BTNL2: variants seen among roughly 807,000 people sequenced by gnomAD.
BTNL2 encodes butyrophilin-like protein 2.
In BTNL2, 46 loss-of-function variants were observed where a neutral mutation model predicts 46.8. That is an observed-to-expected ratio of 0.98 (90% CI 0.78 to 1.26). The LOEUF (loss-of-function observed/expected upper bound fraction) is 1.26. Among genes scored for constraint, BTNL2 ranks in the 50% most tolerant of loss-of-function variants. BTNL2 has a pLI of 0.00. For missense variants in BTNL2, 461 were observed against 592.6 expected (o/e 0.78, Z 2.31); for synonymous variants, 226 against 229.1 (o/e 0.99, Z 0.12).
At chr6:32,395,849 A>G (rs1252221850) in intron 5 of BTNL2, among the ~76,000 whole-genome samples, 190 bp downstream of exon 5, 1 of 152,252 alleles carries the variant, frequency 6.6e-6, no homozygotes, top group Non-Finnish European at 1.5e-5. Context: ...CCAAATAATT[A>G]AATTTCATCC....
chr6:32,394,938 T>C lies in BTNL2; in HGVS notation c.1166A>G (p.Gln389Arg), dbSNP rs1247644269. 6.2e-7 allele frequency: 1 copy of C among 1,614,170 alleles called. No homozygotes were observed. Among genetic ancestry groups the C allele is most frequent in the Non-Finnish European group, 8.5e-7 (1 of 1,180,004 alleles). ...CATGTCCCTCCATGGCACGTGGGGC[T>C]GTGGGAACCACCCATCTGAAGAGCA... ...PMCSSDGWFP[Q>R]PHVPWRDMEG... Residue 389 changes from glutamine to arginine, a missense_variant, in exon 6 of 8, where the codon CAG (glutamine) becomes CGG (arginine). Physicochemically the swap from Gln to Arg is conservative, Grantham distance 43 (BLOSUM62 1). Coordinates refer to ENST00000454136, the MANE Select transcript of BTNL2 (RefSeq NM_001304561.2). This position sits in a 1 kb window ranked among gnomAD's most constrained non-coding sequence, Gnocchi z 4.6.
rs1279606542 is a variant in BTNL2 at position 32,394,932 on chromosome 6, TG to T, written c.1171del (p.His391ThrfsTer19). The T allele has an allele frequency of 6.2e-7, 1 of 1,614,032 alleles. No homozygotes were observed. The highest frequency in any genetic ancestry group is 8.5e-7 in the Non-Finnish European group (1 of 1,180,014). On this transcript the variant is annotated frameshift_variant, in exon 6 of 8. Transcript: ENST00000454136. LOFTEE classifies it high-confidence loss of function. This position sits in a 1 kb window ranked among gnomAD's most constrained non-coding sequence, Gnocchi z 4.6. ...CSSDGWFPQPHVPWRDMEGKT... is the reference protein window; with the variant it reads ...CSSDGWFPQPXVPWRDMEGKT... ...TCCTTCCATGTCCCTCCATGGCACGTGGGGCTGTGGGAACCACCCATCTGAA... is the reference window on the plus strand; with the variant it reads ...TCCTTCCATGTCCCTCCATGGCACGTGGGCTGTGGGAACCACCCATCTGAA...
At position 32,403,054 on chromosome 6, in the gene BTNL2, T is replaced by C; in HGVS notation, c.590A>G (p.Asp197Gly). The C allele has an allele frequency of 6.2e-7, 1 of 1,612,850 alleles. No individual in the cohort carries two copies. The highest frequency in any genetic ancestry group is 2.2e-5 in the East Asian group (1 of 44,852). ...AVSEHRIQDKDGLFYAEATLV... is the reference protein window; with the variant it reads ...AVSEHRIQDKGGLFYAEATLV... Reference sequence around the variant, plus strand: ...GGTGGCTTCCGCATAGAACAGGCCATCTTTATCTTGGATGCGATGCTCAGA... The same window carrying C: ...GGTGGCTTCCGCATAGAACAGGCCACCTTTATCTTGGATGCGATGCTCAGA... Residue 197 changes from aspartate to glycine, a missense_variant, in exon 3 of 8, where the codon GAT becomes GGT. Asp to Gly is a moderately conservative substitution (Grantham distance 94). Coordinates refer to ENST00000454136, the MANE Select transcript of BTNL2 (RefSeq NM_001304561.2).
In BTNL2 at chr6:32,396,109, G is replaced by T; in HGVS notation, c.1008C>A (p.Asp336Glu). The change falls in exon 5 of 8, where the codon GAC becomes GAA. Residue 336 changes from aspartate (D) to glutamate (E), a missense_variant. Coordinates refer to ENST00000454136, the MANE Select transcript of BTNL2 (RefSeq NM_001304561.2). This position sits in a 1 kb window ranked among gnomAD's most constrained non-coding sequence, Gnocchi z 4.4. Reference sequence around the variant, plus strand: ...TTTCAAAAAGGCAGCGGTACTGCCCGTCGTCCGAAGGTCTGGCACTGAGTA... The same window carrying T: ...TTTCAAAAAGGCAGCGGTACTGCCCTTCGTCCGAAGGTCTGGCACTGAGTA... ...LQILSARPSD[D>E]GQYRCLFEKD... 3 of 1,613,076 alleles carry T rather than the reference G, an allele frequency of 1.9e-6. No homozygotes were observed. Among genetic ancestry groups the T allele is most frequent in the Non-Finnish European group, 2.5e-6 (3 of 1,180,030 alleles).
In BTNL2 at chr6:32,405,067, T is replaced by C; in HGVS notation, c.299A>G (p.Asn100Ser). The C allele has an allele frequency of 6.2e-7, 1 of 1,613,046 alleles. No homozygotes were observed. The highest frequency in any genetic ancestry group is 1.1e-5 in the South Asian group (1 of 91,082). The change falls in exon 2 of 8, where the codon AAT becomes AGT. Residue 100 changes from asparagine (N) to serine (S), a missense_variant. By Grantham distance (46) the Asn-to-Ser change is conservative. Transcript: ENST00000454136. ...TGCCACATTTCCCTTTGCAATGCCATTCTCTATCCACTCTACCCAGCCTCT... is the reference window on the plus strand; with the variant it reads ...TGCCACATTTCCCTTTGCAATGCCACTCTCTATCCACTCTACCCAGCCTCT... ...EYRGWVEWIE[N>S]GIAKGNVALK...
Position 32,394,741 on chromosome 6 carries a change from A to G in BTNL2, c.1360+3T>C. On this transcript the variant is annotated splice_donor_region_variant and intron_variant, in intron 6 of 7. Transcript: ENST00000454136. The surrounding 1 kb of genome is among the most constrained non-coding windows in gnomAD (Gnocchi z 4.6). ...ACCTGAAGGAACATAAGGAATCACC[A>G]ACCTGAGAGAGAAAAAGTTGCGATT... is the stretch of plus-strand genomic sequence containing the variant. 6.2e-7 allele frequency: 1 copy of G among 1,609,388 alleles called. No homozygotes were observed. Among genetic ancestry groups the G allele is most frequent in the Non-Finnish European group, 8.5e-7 (1 of 1,176,426 alleles).
rs1776453363 is a variant in BTNL2, at chr6:32,396,310, C to A, written c.807G>T (p.Leu269=). 6.2e-7 allele frequency: 1 copy of A among 1,612,676 alleles called. No individual in the cohort carries two copies. The highest frequency in any genetic ancestry group is 1.7e-5 in the Admixed American group (1 of 60,002). Residue 269 remains leucine (L), a synonymous_variant, in exon 5 of 8, where the codon CTG becomes CTT. Coordinates refer to ENST00000454136, the MANE Select transcript of BTNL2 (RefSeq NM_001304561.2). This position sits in a 1 kb window ranked among gnomAD's most constrained non-coding sequence, Gnocchi z 4.4. ...TGCTCTGTGCATTCGCCTTGGGGGACAGGTAACAGGTTAGCTGTATATCTT... is the reference window on the plus strand; with the variant it reads ...TGCTCTGTGCATTCGCCTTGGGGGAAAGGTAACAGGTTAGCTGTATATCTT... ...VGEDIQLTCY[L]SPKANAQSME...
At chr6:32,405,805 C>T (rs1436363848) in intron 1 of BTNL2, among the ~76,000 whole-genome samples, 2 of 79,436 alleles carry the variant, frequency 2.5e-5, no homozygotes, top group Admixed American at 1.2e-4. Flanking sequence ...GATATAAAAA[C>T]TGTTTTTTTT....
Position 32,403,045 on chromosome 6 carries a change from A to G in BTNL2, c.599T>C (p.Phe200Ser). The stretch of plus-strand genomic sequence containing the variant: ...GACCACCAGGGTGGCTTCCGCATAG[A>G]ACAGGCCATCTTTATCTTGGATGCG... ...EHRIQDKDGL[F>S]YAEATLVVRN... Residue 200 changes from phenylalanine to serine, a missense_variant, in exon 3 of 8, where the codon TTC becomes TCC. Coordinates refer to ENST00000454136, the MANE Select transcript of BTNL2 (RefSeq NM_001304561.2). 6.2e-7 allele frequency: 1 copy of G among 1,612,862 alleles called. No homozygotes were observed. The highest frequency in any genetic ancestry group is 1.1e-5 in the South Asian group (1 of 91,074).
At chr6:32,401,448 C>T (rs1225618624) in intron 4 of BTNL2, among the ~76,000 whole-genome samples, 1 of 151,936 alleles carries the variant, frequency 6.6e-6, no homozygotes, top group Middle Eastern at 3.2e-3. Context: ...GCCTCCAGGC[C>T]CCGGCCAGCT....
intron 4 of BTNL2, among the ~76,000 whole-genome samples, chr6:32,400,755 A>AAAAAAAAAAAAC (rs1776709608): frequency 7.1e-6 from 1 of 140,208 alleles, no homozygotes. Flanking sequence ...TAAAAAAAAA[A>AAAAAAAAAAAAC]AAAAAAAATT....
At position 32,407,179 on chromosome 6, in the gene BTNL2, C is replaced by T. The variant is rs575164344; in HGVS notation, c.-56G>A. ...TGCCTAAGTGAGGCTGTGACACACC[C>T]GGCACACTCCATGGCTTCCATTGGT... is the stretch of plus-strand genomic sequence containing the variant. On this transcript the variant is annotated 5_prime_UTR_variant, in exon 1 of 8. Transcript: ENST00000454136. 136 of 1,427,662 alleles carry T rather than the reference C, an allele frequency of 9.5e-5. No individual in the cohort carries two copies. The highest frequency in any genetic ancestry group is 5.7e-4 in the Middle Eastern group (3 of 5,306). 88.4% of individuals were successfully genotyped at this position (1,427,662 alleles called of 1,614,324 possible).
Position 32,394,759 on chromosome 6 carries a change from T to C in BTNL2, c.1345A>G (p.Thr449Ala). The C allele has an allele frequency of 6.2e-7, 1 of 1,612,418 alleles. No homozygotes were observed. Residue 449 changes from threonine (T) to alanine (A), a missense_variant, in exon 6 of 8, where the codon ACT (threonine) becomes GCT (alanine). Coordinates refer to ENST00000454136, the MANE Select transcript of BTNL2 (RefSeq NM_001304561.2). This position sits in a 1 kb window ranked among gnomAD's most constrained non-coding sequence, Gnocchi z 4.6. ...IPFLGEEKIA[T>A]FSLSESRMTF... ...AATCACCAACCTGAGAGAGAAAAAG[T>C]TGCGATTTTCTCCTCGCCCAAAAAG... is the stretch of plus-strand genomic sequence containing the variant.
rs533234481 is a variant in BTNL2 at position 32,400,966 on chromosome 6, T to C, written c.730+819A>G. Among the ~76,000 whole-genome samples the C allele has an allele frequency of 3.9e-3, 555 of 140,754 alleles. 14 individuals are homozygous for C. Among genetic ancestry groups the C allele is most frequent in the Non-Finnish European group, 6.6e-3 (434 of 65,666 alleles). The allele number at this position is 140,754 out of a possible 152,430, so 92.3% of individuals were successfully genotyped here. On this transcript the variant is annotated intron_variant, in intron 4 of 7. Transcript: ENST00000454136. The stretch of plus-strand genomic sequence containing the variant: ...GCTCACGCCTGTAATCCCAGCACTT[T>C]GGGAGGCTGAGGTGGGGGGATCACG...
In BTNL2 at chr6:32,396,127, A is replaced by C; in HGVS notation, c.990T>G (p.Ser330Arg). 6.2e-7 allele frequency: 1 copy of C among 1,613,118 alleles called. No homozygotes were observed. Among genetic ancestry groups the C allele is most frequent in the Non-Finnish European group, 8.5e-7 (1 of 1,180,040 alleles). ...ACTGCCCGTCGTCCGAAGGTCTGGC[A>C]CTGAGTATCTGCAGGGTCAGTCTGC... The part of the protein sequence containing the change: ...DEGRLTLQIL[S>R]ARPSDDGQYR... The change falls in exon 5 of 8, where the codon AGT becomes AGG. Residue 330 changes from serine (S) to arginine (R), a missense_variant. Transcript: ENST00000454136. The surrounding 1 kb of genome is among the most constrained non-coding windows in gnomAD (Gnocchi z 4.4).
At position 32,394,772 on chromosome 6, in the gene BTNL2, C is replaced by T. The variant is rs267600975; in HGVS notation, c.1332G>A (p.Glu444=). Residue 444 remains glutamate (E), a synonymous_variant, in exon 6 of 8, where the codon GAG becomes GAA. Coordinates refer to ENST00000454136, the MANE Select transcript of BTNL2 (RefSeq NM_001304561.2). The surrounding 1 kb of genome is among the most constrained non-coding windows in gnomAD (Gnocchi z 4.6). ...TCSISIPFLG[E]EKIATFSLSE... ...AGAGAGAAAAAGTTGCGATTTTCTC[C>T]TCGCCCAAAAAGGGGATGCTGATGG... 1.2e-6 allele frequency: 2 copies of T among 1,613,050 alleles called. No homozygotes were observed. Among genetic ancestry groups the T allele is most frequent in the Non-Finnish European group, 1.7e-6 (2 of 1,179,238 alleles).
At chr6:32,397,654 A>G (rs117460023) in intron 4 of BTNL2, among the ~76,000 whole-genome samples, 1,587 of 151,814 alleles carry the variant, frequency 0.01, 57 homozygotes, top group South Asian at 0.093. Flanking sequence ...AACTACCAAA[A>G]TCATAATGTT....
chr6:32,400,745 T>TAAA (rs55703731), intron 4 of BTNL2, among the ~76,000 whole-genome samples: 1 of 82,142 alleles, frequency 1.2e-5, no homozygotes, highest in African/African-American at 4.4e-5. Context: ...CCGTCTCTAC[T>TAAA]AAAAAAAAAA....
chr6:32,394,348 G>A lies in BTNL2; in HGVS notation c.1361-291C>T, dbSNP rs1044699700. ...AGGAGGAAAGGATAAAATTACTCAA[G>A]CCGCAACCATGAAGATGGTATTAAT... On this transcript the variant is annotated intron_variant, in intron 6 of 7. Coordinates refer to ENST00000454136, the MANE Select transcript of BTNL2 (RefSeq NM_001304561.2). The surrounding 1 kb of genome is among the most constrained non-coding windows in gnomAD (Gnocchi z 4.6). 3.9e-5 allele frequency among the ~76,000 whole-genome samples: 6 copies of A among 152,156 alleles called. No individual in the cohort carries two copies. The highest frequency in any genetic ancestry group is 7.4e-5 in the Non-Finnish European group (5 of 68,020).
Sources: allele counts gnomAD v4.1 joint callset (sites outside exome capture counted in the v4.1 genomes callset), GRCh38; gene constraint gnomAD v4.1.1; non-coding constraint Gnocchi (gnomAD v3.1); transcripts MANE v1.5; gene names NCBI Gene and HGNC (gene_info 2026-07-23, HGNC 2026-07-21).